The following PPP3CC variants were observed in gnomAD, a reference collection of about 807,000 sequenced individuals.
The protein encoded by PPP3CC is protein phosphatase 3 catalytic subunit gamma.
A neutral mutation model predicts 60.3 loss-of-function variants in PPP3CC; 35 were observed. The observed-to-expected ratio is 0.58, with a 90% CI of 0.44 to 0.77. PPP3CC has a LOEUF of 0.77. Ranked by LOEUF, PPP3CC falls within the 30% of genes least tolerant of loss-of-function variation. PPP3CC has a pLI of 0.00. For synonymous variants in PPP3CC, 206 were observed against 224.3 expected, an observed-to-expected ratio of 0.92 and a Z score of 0.73; for missense variants, 570 against 628.9, an observed-to-expected ratio of 0.91 and a Z score of 1.00.
intron 10 of PPP3CC, 147 bp from the exon 11 acceptor site, chr8:22,532,078 A>AT: frequency 1.9e-6 from 1 of 539,034 alleles, no homozygotes; most frequent in Non-Finnish European, 3.2e-6. Flanking sequence ...ACTTCCTGAG[A>AT]TTTTTGTTTG....
chr8:22,503,611 T>A (rs1838826221), intron 4 of PPP3CC, among the ~76,000 whole-genome samples: 1 of 152,196 alleles, frequency 6.6e-6, no homozygotes, highest in South Asian at 2.1e-4. Context: ...GGATGCAATG[T>A]GTAATAATAA....
chr8:22,492,331 G>T (rs1287380774), intron 3 of PPP3CC, among the ~76,000 whole-genome samples: 2 of 152,132 alleles, frequency 1.3e-5, no homozygotes, highest in Non-Finnish European at 2.9e-5. Context: ...GGGTGAATCA[G>T]TGAATGATGA....
chr8:22,525,839 T>C (rs117576906), intron 8 of PPP3CC, among the ~76,000 whole-genome samples: 1 of 150,996 alleles, frequency 6.6e-6, no homozygotes, highest in African/African-American at 2.4e-5. Flanking sequence ...GTATTACAAG[T>C]GTGTGCCACC....
At chr8:22,458,079 A>G (rs1837260670) in intron 1 of PPP3CC, among the ~76,000 whole-genome samples, 1 of 152,168 alleles carries the variant, frequency 6.6e-6, no homozygotes, top group South Asian at 2.1e-4. Flanking sequence ...CAACAAGAGT[A>G]AATCTCCGTC....
At chr8:22,447,175 A>ATTTTTTTTT (rs1161858120) in intron 1 of PPP3CC, among the ~76,000 whole-genome samples, 1 of 116,292 alleles carries the variant, frequency 8.6e-6, no homozygotes, top group Non-Finnish European at 1.8e-5. Flanking sequence ...TGTCCAACTA[A>ATTTTTTTTT]TTTTTTTTTT....
At chr8:22,472,868 A>G (rs958130459) in intron 1 of PPP3CC, among the ~76,000 whole-genome samples, 3 of 152,024 alleles carry the variant, frequency 2.0e-5, no homozygotes, top group African/African-American at 7.2e-5. Flanking sequence ...TTCCTATTCC[A>G]GTTCCCACTC....
At chr8:22,520,354 C>T (rs1839372016) in intron 6 of PPP3CC, among the ~76,000 whole-genome samples, 1 of 152,018 alleles carries the variant, frequency 6.6e-6, no homozygotes, top group African/African-American at 2.4e-5. Flanking sequence ...TGTCCCTTTT[C>T]CTCCCTAGAT....
chr8:22,492,250 AAAG>A (rs1838427573), intron 3 of PPP3CC, among the ~76,000 whole-genome samples: 1 of 152,074 alleles, frequency 6.6e-6, no homozygotes, highest in South Asian at 2.1e-4. Flanking sequence ...GTAAAAAAAA[AAAG>A]AGAAAAAATG....
In PPP3CC at chr8:22,540,881, C is replaced by A; in HGVS notation, c.*79C>A. On this transcript the variant is annotated 3_prime_UTR_variant, in exon 14 of 14. Coordinates refer to ENST00000240139, the MANE Select transcript of PPP3CC (RefSeq NM_005605.5). The stretch of plus-strand genomic sequence containing the variant: ...TTATTTATTATTGGAAAATGAAAAG[C>A]AACTCAAAACAACTTCAACGTGGAG... 2.4e-6 allele frequency: 3 copies of A among 1,263,392 alleles called. No individual in the cohort carries two copies. Among genetic ancestry groups the A allele is most frequent in the South Asian group, 1.9e-5 (1 of 52,808 alleles). The allele number at this position is 1,263,392 out of a possible 1,614,324, so 78.3% of individuals were successfully genotyped here.
intron 12 of PPP3CC, among the ~76,000 whole-genome samples, chr8:22,533,781 C>T (rs1331992689): frequency 2.6e-5 from 4 of 152,050 alleles, no homozygotes; most frequent in South Asian, 4.1e-4. Context: ...ACCGAGATCG[C>T]GCCACTGCAC....
intron 3 of PPP3CC, chr8:22,492,937 C>T: frequency 8.0e-7 from 1 of 1,247,498 alleles, no homozygotes; most frequent in Non-Finnish European, 1.2e-6. Context: ...CAGCTTGGTG[C>T]ACACTGTCTG....
At chr8:22,496,732 G>GTAA in intron 3 of PPP3CC, among the ~76,000 whole-genome samples, 1 of 151,650 alleles carries the variant, frequency 6.6e-6, no homozygotes, top group South Asian at 2.1e-4. Flanking sequence ...CCTGACCTTA[G>GTAA]GTGATCCACC....
chr8:22,471,896 G>A (rs749578635), intron 1 of PPP3CC, among the ~76,000 whole-genome samples: 1 of 152,284 alleles, frequency 6.6e-6, no homozygotes, highest in Non-Finnish European at 1.5e-5. Flanking sequence ...GGATGCTGAG[G>A]TCGGCAGATC....
intron 12 of PPP3CC, among the ~76,000 whole-genome samples, chr8:22,533,326 A>T (rs1469491979): frequency 6.6e-6 from 1 of 152,260 alleles, no homozygotes; most frequent in Admixed American, 6.5e-5. Flanking sequence ...GTTGAATTTC[A>T]TTAAAATAAA....
intron 4 of PPP3CC, among the ~76,000 whole-genome samples, chr8:22,500,524 A>G (rs1035795891): frequency 1.1e-4 from 17 of 152,262 alleles, no homozygotes; most frequent in African/African-American, 4.1e-4. Context: ...TCAGAGACTC[A>G]AAGTTTATTA....
chr8:22,510,356 T>C lies in PPP3CC; in HGVS notation c.485-730T>C, dbSNP rs1024981393. ...GAAAATAGAATCAAGACATAATTTG[T>C]TTACAGACCTTAAAAATTATGAGCA... On this transcript the variant is annotated intron_variant, in intron 4 of 13. Transcript: ENST00000240139. 2.6e-5 allele frequency among the ~76,000 whole-genome samples: 4 copies of C among 152,136 alleles called. No homozygotes were observed. In the South Asian group the frequency reaches 8.3e-4, roughly 32 times the overall value.
intron 1 of PPP3CC, among the ~76,000 whole-genome samples, chr8:22,449,521 A>G (rs1450896494): frequency 6.6e-6 from 1 of 151,778 alleles, no homozygotes; most frequent in Non-Finnish European, 1.5e-5. Flanking sequence ...GGCTGTCATC[A>G]TATTTGAGGA....
intron 3 of PPP3CC, among the ~76,000 whole-genome samples, chr8:22,494,239 A>C (rs1838494702): frequency 6.6e-6 from 1 of 152,210 alleles, no homozygotes; most frequent in South Asian, 2.1e-4. Flanking sequence ...GGGAGGCCTC[A>C]GAATCATGGC....
intron 1 of PPP3CC, among the ~76,000 whole-genome samples, chr8:22,459,817 G>T (rs1305816342): frequency 4.6e-5 from 7 of 152,246 alleles, no homozygotes; most frequent in African/African-American, 1.7e-4. Context: ...CTAAAAGAAA[G>T]TATAGGAAAA....
Sources: allele counts gnomAD v4.1 joint callset (sites outside exome capture counted in the v4.1 genomes callset), GRCh38; gene constraint gnomAD v4.1.1; transcripts MANE v1.5; gene names NCBI Gene and HGNC (gene_info 2026-07-23, HGNC 2026-07-21).